The following DCLRE1C variants were observed in gnomAD, a reference collection of about 807,000 sequenced individuals.
DCLRE1C encodes the protein protein artemis.
Under a neutral mutation model 61.4 loss-of-function variants are expected in DCLRE1C, and 47 were observed. The observed-to-expected ratio is 0.77, with a 90% confidence interval of 0.61 to 0.98. The LOEUF is 0.98. DCLRE1C is among the 50% of genes least tolerant of loss of function. The pLI, the probability that DCLRE1C is intolerant of heterozygous loss-of-function variation, is 0.00. For synonymous variants in DCLRE1C, 337 were observed against 287.6 expected, an observed-to-expected ratio of 1.17 and a Z score of -1.74; for missense variants, 858 against 816.0, an observed-to-expected ratio of 1.05 and a Z score of -0.63.
intron 12 of DCLRE1C, among the ~76,000 whole-genome samples, chr10:14,921,243 C>T (rs1837062552): frequency 1.3e-5 from 2 of 151,710 alleles, no homozygotes; most frequent in Admixed American, 1.3e-4. Context: ...TGGTGTGAAC[C>T]TGGGATGGGG....
downstream of DCLRE1C, chr10:14,901,389 T>A: frequency 7.8e-7 from 1 of 1,277,074 alleles, no homozygotes; most frequent in Non-Finnish European, 1.1e-6. Flanking sequence ...GCACTAAGTT[T>A]GTCATCCTAA....
intron 3 of DCLRE1C, among the ~76,000 whole-genome samples, chr10:14,941,326 C>A (rs1017216258): frequency 1.3e-5 from 2 of 152,178 alleles, no homozygotes; most frequent in African/African-American, 4.8e-5. Context: ...GCTGTGTTAG[C>A]CAGCCTGGAG....
intron 13 of DCLRE1C, among the ~76,000 whole-genome samples, chr10:14,918,623 GTT>G (rs202230932): frequency 4.9e-4 from 68 of 140,054 alleles, no homozygotes; most frequent in African/African-American, 1.6e-3. Context: ...CAGGAAAGCT[GTT>G]TTTTAAAAAA....
At chr10:14,897,582 T>G in exon 14 of DCLRE1C, 1 of 1,320,256 alleles carries the variant, frequency 7.6e-7, no homozygotes, top group Admixed American at 2.6e-5. Flanking sequence ...GAAAATTACC[T>G]TTTTATCTCT....
chr10:14,919,676 C>G (rs562418974), intron 13 of DCLRE1C, 62 bp downstream of exon 13: 20 of 1,323,512 alleles, frequency 1.5e-5, no homozygotes, highest in South Asian at 3.5e-5. Context: ...CAGACCCAAG[C>G]TCCCTGGAAA....
chr10:14,932,384 T>A (rs924829565), intron 9 of DCLRE1C, among the ~76,000 whole-genome samples: 4 of 152,178 alleles, frequency 2.6e-5, no homozygotes, highest in African/African-American at 9.7e-5. Flanking sequence ...ACGCCTGTAG[T>A]ACCAGCACTT....
At chr10:14,937,235 G>C (rs572335829) in intron 4 of DCLRE1C, among the ~76,000 whole-genome samples, 3 of 151,460 alleles carry the variant, frequency 2.0e-5, no homozygotes, top group East Asian at 3.9e-4. Context: ...TGTGGTGATG[G>C]ATACACAAGT....
chr10:14,944,115 C>G (rs1282641680), intron 3 of DCLRE1C, among the ~76,000 whole-genome samples: 2 of 152,172 alleles, frequency 1.3e-5, no homozygotes, highest in African/African-American at 2.4e-5. Flanking sequence ...TTTTCTTACT[C>G]TATCCCACAA....
intron 4 of DCLRE1C, among the ~76,000 whole-genome samples, chr10:14,936,978 AAAAG>A (rs1840038114): frequency 6.6e-6 from 1 of 152,242 alleles, no homozygotes; most frequent in Admixed American, 6.5e-5. Context: ...TTTGGCCATA[AAAAG>A]AACCGACACG....
chr10:14,928,265 T>TAA, intron 9 of DCLRE1C, 113 bp from the exon 10 acceptor site: 1 of 937,284 alleles, frequency 1.1e-6, no homozygotes, highest in Non-Finnish European at 1.6e-6. Context: ...AAATAAAAAA[T>TAA]AAAAAAAAAG....
At chr10:14,923,220 T>G in intron 11 of DCLRE1C, 151 bp from the exon 12 acceptor site, 1 of 659,460 alleles carries the variant, frequency 1.5e-6, no homozygotes, top group Non-Finnish European at 2.7e-6. Context: ...AGGGACCTCT[T>G]GGGAAAAAAA....
chr10:14,932,413 G>A (rs549631160), intron 9 of DCLRE1C, among the ~76,000 whole-genome samples: 36 of 152,144 alleles, frequency 2.4e-4, no homozygotes, highest in South Asian at 1.2e-3. Flanking sequence ...CGAGGGAGGC[G>A]GATCACGAGG....
intron 12 of DCLRE1C, chr10:14,920,592 G>C (rs1836939183): frequency 5.8e-6 from 1 of 173,744 alleles, no homozygotes; most frequent in Non-Finnish European, 1.1e-5. Flanking sequence ...ATCCATTACT[G>C]TGTCTCTTTA....
intron 3 of DCLRE1C, among the ~76,000 whole-genome samples, chr10:14,940,614 A>G (rs1222534163): frequency 1.3e-5 from 2 of 152,026 alleles, no homozygotes; most frequent in Non-Finnish European, 2.9e-5. Context: ...AGTGCTGCCG[A>G]ACGCTCCCTG....
At chr10:14,914,930 T>A (rs1835914540) in intron 13 of DCLRE1C, among the ~76,000 whole-genome samples, 1 of 146,530 alleles carries the variant, frequency 6.8e-6, no homozygotes, top group African/African-American at 2.6e-5. Context: ...ACAGAGAGAA[T>A]CCATCTCATT....
chr10:14,939,958 G>A, intron 3 of DCLRE1C, 89 bp from the exon 4 acceptor site: 2 of 1,025,546 alleles, frequency 2.0e-6, no homozygotes, highest in Non-Finnish European at 3.0e-6. Flanking sequence ...ATGGGGCAAA[G>A]AGAAGTTTCA....
Position 14,909,119 on chromosome 10 carries a change from G to A in DCLRE1C, c.1368C>T (p.Asn456=), listed in dbSNP as rs144654282. 367 of 1,614,172 alleles carry A rather than the reference G, an allele frequency of 2.3e-4. 2 individuals carry two copies. In the Middle Eastern group the frequency reaches 3.0e-3, roughly 13 times the overall value. The stretch of plus-strand genomic sequence containing the variant: ...TTCCTACTTCTTCTTCACTTTCACT[G>A]TTGGATTCTTCACAATCTACAAAGT... ...FTNFVDCEES[N]SESEEEVGIP... Residue 456 remains asparagine, a synonymous_variant, in exon 14 of 14, where the codon AAC becomes AAT. Transcript: ENST00000378278.
intron 13 of DCLRE1C, among the ~76,000 whole-genome samples, chr10:14,913,387 G>C (rs1415356717): frequency 6.6e-6 from 1 of 152,174 alleles, no homozygotes; most frequent in Non-Finnish European, 1.5e-5. Flanking sequence ...AATTTATGGT[G>C]TATCAATTAT....
rs41298938 is a variant in DCLRE1C, at chr10:14,924,463, C to T, written c.973-1394G>A. On this transcript the variant is annotated intron_variant, in intron 11 of 13. Transcript: ENST00000378278. ...TGAGCTTGTGATCTCAGTCAAGTTACCTAATGTCTCTAATTTTAGATTCTT... is the reference window on the plus strand; with the variant it reads ...TGAGCTTGTGATCTCAGTCAAGTTATCTAATGTCTCTAATTTTAGATTCTT... Among the ~76,000 whole-genome samples the T allele has an allele frequency of 3.0e-3, 464 of 152,266 alleles. 2 individuals carry two copies. The highest frequency in any genetic ancestry group is 5.3e-3 in the Non-Finnish European group (362 of 68,026).
Sources: gnomAD v4.1 joint callset for allele counts (sites outside exome capture counted in the v4.1 genomes callset) on GRCh38, gnomAD v4.1.1 for gene constraint, MANE v1.5 for transcripts, NCBI Gene and HGNC (gene_info 2026-07-23, HGNC 2026-07-21) for gene names.